The following SYP variants were observed in gnomAD, a reference collection of about 807,000 sequenced individuals.
The protein encoded by SYP is synaptophysin.
SYP carries 2 observed loss-of-function variants against 24.3 expected under a neutral mutation model. The observed-to-expected ratio is 0.08, with a 90% confidence interval of 0.03 to 0.26. The LOEUF is 0.26. Ranked by LOEUF, SYP falls within the 10% of genes least tolerant of loss-of-function variation. The pLI, the probability that SYP is intolerant of heterozygous loss-of-function variation, is 1.00. For missense variants in SYP, 216 were observed against 266.3 expected (o/e 0.81, Z 1.32); for synonymous variants, 143 against 123.2 (o/e 1.16, Z -1.07).
chrX:49,194,559 A>G (rs182159686), intron 3 of SYP, among the ~76,000 whole-genome samples, 198 bp from the exon 4 acceptor site: 2 of 110,612 alleles, frequency 1.8e-5, no homozygotes, highest in Non-Finnish European at 3.8e-5. Context: ...TTCATCCCTC[A>G]CTCCAACCCA....
Position 49,188,856 on chromosome X carries a change from CAGG to C in SYP, c.*428_*430del, listed in dbSNP as rs2065496575. ...TTGGATTTCCCTAACGGCCTTTGTT[CAGG>C]CAGGCATTGCTGGAGGAACCAAGGC... is the stretch of plus-strand genomic sequence containing the variant. On this transcript the variant is annotated 3_prime_UTR_variant, in exon 7 of 7. Coordinates refer to ENST00000263233, the MANE Select transcript of SYP (RefSeq NM_003179.3). The C allele has an allele frequency of 9.0e-6, 1 of 111,509 alleles. No individual in the cohort carries two copies. Among genetic ancestry groups the C allele is most frequent in the African/African-American group, 3.3e-5 (1 of 30,480 alleles). 9.2% of individuals were successfully genotyped at this position (111,509 alleles called of 1,213,427 possible). A position where few individuals can be genotyped will look rare whatever the true frequency, so the allele number is the denominator to read the frequency against.
chrX:49,199,292 G>C (rs782009091), intron 1 of SYP: 2 of 391,577 alleles, frequency 5.1e-6, no homozygotes, highest in East Asian at 4.3e-5. Flanking sequence ...AGTTAAGGAG[G>C]GGGAGCAGGT....
chrX:49,194,973 C>T (rs782559979), intron 3 of SYP, among the ~76,000 whole-genome samples: 2 of 111,384 alleles, frequency 1.8e-5, no homozygotes, highest in African/African-American at 6.5e-5. Flanking sequence ...TCCCAGAGTG[C>T]TGGGATTACA....
intron 5 of SYP, among the ~76,000 whole-genome samples, chrX:49,192,990 C>CT (rs1430032795): frequency 8.9e-6 from 1 of 111,977 alleles, no homozygotes; most frequent in Admixed American, 9.4e-5. Context: ...CATGAGGAAA[C>CT]TGAGGTCCCA....
rs1337500813 is a variant in SYP at position 49,191,578 on chromosome X, G to A, written c.801C>T (p.Ser267=). ...QGPGGYGPQD[S]YGPQGGYQPD... Reference sequence around the variant, plus strand: ...GCTGGTAGCCGCCCTGAGGCCCGTAGGAATCCTGGGGCCCGTACCCGCCGG... The same window carrying A: ...GCTGGTAGCCGCCCTGAGGCCCGTAAGAATCCTGGGGCCCGTACCCGCCGG... Residue 267 remains serine (S), a synonymous_variant, in exon 6 of 7, where the codon TCC becomes TCT. Coordinates refer to ENST00000263233, the MANE Select transcript of SYP (RefSeq NM_003179.3). 5 of 1,209,006 alleles carry A rather than the reference G, an allele frequency of 4.1e-6. No homozygotes were observed. The highest frequency in any genetic ancestry group is 2.2e-5 in the Admixed American group (1 of 45,943).
At chrX:49,194,019 A>G in intron 4 of SYP, 147 bp downstream of exon 4, 1 of 653,940 alleles carries the variant, frequency 1.5e-6, no homozygotes, top group Non-Finnish European at 2.4e-6. Flanking sequence ...GTGTGGATTA[A>G]TAGCAGCAGC....
At chrX:49,195,585 G>A (rs1416452963) in intron 3 of SYP, among the ~76,000 whole-genome samples, 1 of 111,172 alleles carries the variant, frequency 9.0e-6, no homozygotes, top group East Asian at 2.8e-4. Flanking sequence ...GAGGGAAGAG[G>A]GGAGGTGTCC....
At chrX:49,191,889 C>T in intron 5 of SYP, 126 bp from the exon 6 acceptor site, 1 of 767,773 alleles carries the variant, frequency 1.3e-6, no homozygotes, top group Non-Finnish European at 1.9e-6. Flanking sequence ...AACCCAGACT[C>T]TCTGAGTCCC....
In SYP at chrX:49,188,436, T is replaced by C. The variant is rs2065494844; in HGVS notation, c.*851A>G. On this transcript the variant is annotated 3_prime_UTR_variant, in exon 7 of 7. Coordinates refer to ENST00000263233, the MANE Select transcript of SYP (RefSeq NM_003179.3). The stretch of plus-strand genomic sequence containing the variant: ...AAGCCCCATTCTAAGCCCCACCCTG[T>C]CTGGAACCCTGGCTTGGCCCATTCC... The C allele has an allele frequency of 1.8e-5, 2 of 111,280 alleles. No individual in the cohort carries two copies. Among genetic ancestry groups the C allele is most frequent in the African/African-American group, 6.6e-5 (2 of 30,477 alleles). 9.2% of individuals were successfully genotyped at this position (111,280 alleles called of 1,213,427 possible).
At chrX:49,193,538 TC>T in intron 4 of SYP, 75 bp from the exon 5 acceptor site, 2 of 1,092,497 alleles carry the variant, frequency 1.8e-6, no homozygotes, top group South Asian at 3.9e-5. Context: ...CCTCCTCGGA[TC>T]ACAGGTCCCC....
At chrX:49,198,347 C>A in intron 2 of SYP, 1 of 129,072 alleles carries the variant, frequency 7.7e-6, no homozygotes. Context: ...CTCACTCGGT[C>A]TCCGGATGGT....
At chrX:49,197,345 A>T (rs1409204770) in intron 3 of SYP, 1 of 192,428 alleles carries the variant, frequency 5.2e-6, no homozygotes, top group African/African-American at 2.9e-5. Context: ...CAGATATAAA[A>T]TAAGTTCTCA....
At chrX:49,192,134 C>T (rs1557102843) in intron 5 of SYP, among the ~76,000 whole-genome samples, 1 of 112,721 alleles carries the variant, frequency 8.9e-6, no homozygotes, top group Non-Finnish European at 1.9e-5. Context: ...CACTAACATG[C>T]ATCTAAATAA....
intron 6 of SYP, among the ~76,000 whole-genome samples, chrX:49,189,995 T>A (rs1056819178): frequency 1.8e-5 from 2 of 110,773 alleles, no homozygotes; most frequent in Admixed American, 1.9e-4. Context: ...CCCACAGGAT[T>A]TTTTGATGAA....
chrX:49,194,052 G>C, intron 4 of SYP, 114 bp downstream of exon 4: 1 of 863,143 alleles, frequency 1.2e-6, no homozygotes. Flanking sequence ...GGCTGTTATG[G>C]TGGCTGTTTG....
At chrX:49,196,892 C>G (rs1167931545) in intron 3 of SYP, 1 of 112,275 alleles carries the variant, frequency 8.9e-6, no homozygotes, top group African/African-American at 3.2e-5. Flanking sequence ...CTATTCTCTA[C>G]CATAAAACCC....
chrX:49,193,514 G>A (rs781935435), intron 4 of SYP, 51 bp from the exon 5 acceptor site: 5 of 1,177,430 alleles, frequency 4.2e-6, no homozygotes, highest in Middle Eastern at 2.8e-4. Context: ...ACTGCTTCAC[G>A]CTAGGCCCTG....
chrX:49,198,111 A>T, intron 2 of SYP: 2 of 369,145 alleles, frequency 5.4e-6, no homozygotes, highest in Non-Finnish European at 9.5e-6. Flanking sequence ...TTCTCTGTGT[A>T]TCTCACTGTG....
chrX:49,191,698 G>T lies in SYP; in HGVS notation c.681C>A (p.Gly227=), dbSNP rs782351800. 65 of 1,207,444 alleles carry T rather than the reference G, an allele frequency of 5.4e-5. No homozygotes were observed. The highest frequency in any genetic ancestry group is 1.4e-4 in the African/African-American group (8 of 57,646). Residue 227 remains glycine, a synonymous_variant, in exon 6 of 7, where the codon GGC becomes GGA. Transcript: ENST00000263233. ...GCGCGCGCAGGAACGGGGCGGCCCA[G>T]CCTGTCTCCTTAAACACGAACCACA... ...GNLWFVFKET[G]WAAPFLRAPP... is the part of the protein sequence containing the mutation.
Sources: allele counts gnomAD v4.1 joint callset (sites outside exome capture counted in the v4.1 genomes callset), GRCh38; gene constraint gnomAD v4.1.1; transcripts MANE v1.5; gene names NCBI Gene and HGNC (gene_info 2026-07-23, HGNC 2026-07-21).